TBC1D22A: variants seen among roughly 807,000 people sequenced by gnomAD.
TBC1D22A encodes TBC1 domain family member 22A.
In TBC1D22A, 38 loss-of-function variants were observed where a neutral mutation model predicts 60.2. The ratio of observed to expected loss-of-function variants is 0.63; its 90% confidence interval spans 0.49 to 0.83. The LOEUF is 0.83. Among genes scored for constraint, TBC1D22A ranks in the 40% least tolerant of loss-of-function variants. TBC1D22A has a pLI of 0.00. For missense variants in TBC1D22A, 628 were observed against 701.0 expected (o/e 0.90, Z 1.18); for synonymous variants, 302 against 281.7 (o/e 1.07, Z -0.72).
In TBC1D22A at chr22:47,173,580, G is replaced by A. The variant is rs776386503; in HGVS notation, c.1508G>A (p.Arg503His). Residue 503 changes from arginine (R) to histidine (H), a missense_variant, in exon 13 of 13, where the codon CGC becomes CAC. Transcript: ENST00000337137. The part of the protein sequence containing the change: ...DISLLLAEAY[R>H]LKFAFADAPN... ...AGCCTGTTGCTGGCCGAGGCCTACC[G>A]CCTCAAGTTTGCTTTTGCCGACGCC... The A allele has an allele frequency of 1.6e-5, 26 of 1,613,988 alleles. No homozygotes were observed. Among genetic ancestry groups the A allele is most frequent in the African/African-American group, 9.3e-5 (7 of 74,918 alleles).
Position 46,797,530 on chromosome 22 carries a change from A to C in TBC1D22A, c.547A>C (p.Ser183Arg). ...TVTLGGTSDP[S>R]TLSSSALSER... ...CACGCTGGGTGGCACATCTGACCCC[A>C]GCACTCTCAGCAGCTCAGCGCTGAG... Residue 183 changes from serine to arginine, a missense_variant, in exon 4 of 13, where the codon AGC (serine) becomes CGC (arginine). Ser to Arg is a moderately radical substitution (Grantham distance 110). Transcript: ENST00000337137. 1.2e-6 allele frequency: 2 copies of C among 1,614,086 alleles called. No individual in the cohort carries two copies. The highest frequency in any genetic ancestry group is 1.7e-6 in the Non-Finnish European group (2 of 1,180,040).
intron 11 of TBC1D22A, among the ~76,000 whole-genome samples, chr22:47,101,996 T>G (rs1603269832): frequency 6.6e-6 from 1 of 152,170 alleles, no homozygotes; most frequent in Non-Finnish European, 1.5e-5. Flanking sequence ...GGCTTTCTGC[T>G]GGGAGAAGAA....
intron 12 of TBC1D22A, among the ~76,000 whole-genome samples, chr22:47,141,426 C>T (rs776386242): frequency 1.3e-5 from 2 of 152,194 alleles, no homozygotes; most frequent in Non-Finnish European, 2.9e-5. Context: ...TTTTGCCTTC[C>T]CCTTACGCAC....
intron 12 of TBC1D22A, among the ~76,000 whole-genome samples, chr22:47,123,280 C>T (rs2066336658): frequency 1.3e-5 from 2 of 151,682 alleles, no homozygotes; most frequent in Non-Finnish European, 2.9e-5. Flanking sequence ...GCTGGAGGCC[C>T]CTCACCTGTG....
chr22:47,156,340 G>A (rs1233523310), intron 12 of TBC1D22A, among the ~76,000 whole-genome samples: 3 of 152,200 alleles, frequency 2.0e-5, no homozygotes, highest in African/African-American at 4.8e-5. Context: ...AACCCTCTCC[G>A]AGAGACAGGG....
chr22:47,073,345 G>A (rs1603236105), intron 11 of TBC1D22A, among the ~76,000 whole-genome samples: 1 of 152,120 alleles, frequency 6.6e-6, no homozygotes, highest in Non-Finnish European at 1.5e-5. Flanking sequence ...CATTAACATA[G>A]TAACACTCTG....
intron 1 of TBC1D22A, among the ~76,000 whole-genome samples, chr22:46,778,816 G>C (rs1176539908): frequency 6.6e-6 from 1 of 152,226 alleles, no homozygotes; most frequent in African/African-American, 2.4e-5. Context: ...GGCCAAGGCA[G>C]GTAGATCACC....
At chr22:46,884,193 G>A (rs2147536041) in intron 5 of TBC1D22A, among the ~76,000 whole-genome samples, 1 of 152,244 alleles carries the variant, frequency 6.6e-6, no homozygotes, top group South Asian at 2.1e-4. Flanking sequence ...GAAAAGGGCT[G>A]GGATCAGCTT....
intron 8 of TBC1D22A, among the ~76,000 whole-genome samples, chr22:46,919,982 C>T (rs1023138247): frequency 1.3e-5 from 2 of 152,132 alleles, no homozygotes; most frequent in African/African-American, 4.8e-5. Context: ...AACTGTTTAA[C>T]CCCCTTAAAA....
intron 4 of TBC1D22A, among the ~76,000 whole-genome samples, chr22:46,831,689 C>T (rs535241960): frequency 6.6e-6 from 1 of 152,198 alleles, no homozygotes; most frequent in South Asian, 2.1e-4. Context: ...CTGTGCCCAG[C>T]GGGCTCTGGC....
At chr22:46,950,841 C>T (rs1021830198) in intron 8 of TBC1D22A, among the ~76,000 whole-genome samples, 2 of 152,160 alleles carry the variant, frequency 1.3e-5, no homozygotes, top group Non-Finnish European at 2.9e-5. Context: ...ACACCCCACA[C>T]CTCTGCAGTT....
chr22:47,173,695 G>T lies in TBC1D22A; in HGVS notation c.*69G>T. 6.2e-7 allele frequency: 1 copy of T among 1,602,118 alleles called. No individual in the cohort carries two copies. Among genetic ancestry groups the T allele is most frequent in the South Asian group, 1.1e-5 (1 of 90,440 alleles). ...GCCCCACCTGCCTGGCTGGTGGTAG[G>T]CCCCTGTGAGCTGGTCCCGGGCTGC... On this transcript the variant is annotated 3_prime_UTR_variant, in exon 13 of 13. Coordinates refer to ENST00000337137, the MANE Select transcript of TBC1D22A (RefSeq NM_014346.5).
chr22:46,988,844 A>C (rs145037781), intron 9 of TBC1D22A, among the ~76,000 whole-genome samples: 2 of 152,312 alleles, frequency 1.3e-5, no homozygotes, highest in African/African-American at 4.8e-5. Context: ...TGGTCCTTCG[A>C]AGCTTTGAAG....
chr22:47,066,412 C>G (rs971294147), intron 11 of TBC1D22A, among the ~76,000 whole-genome samples: 1 of 141,132 alleles, frequency 7.1e-6, no homozygotes, highest in Non-Finnish European at 1.6e-5. Flanking sequence ...CAGGGGAGGT[C>G]GGGAGGGAGG....
At chr22:47,022,562 AC>A (rs200028782) in intron 10 of TBC1D22A, among the ~76,000 whole-genome samples, 13,673 of 151,222 alleles carry the variant, frequency 0.09, 1,498 homozygotes, top group African/African-American at 0.27. Flanking sequence ...AAAAAAAAAA[AC>A]ACCAAAACAA....
rs530562755 is a variant in TBC1D22A, at chr22:47,043,339, G to GC, written c.1329+6143dup. Among the ~76,000 whole-genome samples the GC allele has an allele frequency of 2.2e-3, 334 of 152,302 alleles. 1 individual carries two copies. The highest frequency in any genetic ancestry group is 7.8e-3 in the African/African-American group (323 of 41,564). On this transcript the variant is annotated intron_variant, in intron 11 of 12. Coordinates refer to ENST00000337137, the MANE Select transcript of TBC1D22A (RefSeq NM_014346.5). ...GAAGGGTGTGGGGAGCAGCAGGTGGGCCGGGGCGACGGGCACGAGGTCAGG... is the reference window on the plus strand; with the variant it reads ...GAAGGGTGTGGGGAGCAGCAGGTGGGCCCGGGGCGACGGGCACGAGGTCAGG...
intron 12 of TBC1D22A, among the ~76,000 whole-genome samples, chr22:47,124,148 G>A (rs1224846783): frequency 6.6e-6 from 1 of 152,208 alleles, no homozygotes; most frequent in Non-Finnish European, 1.5e-5. Flanking sequence ...AGCGGGGGAG[G>A]GCACGCCTGA....
At chr22:46,830,840 C>G (rs908710493) in intron 4 of TBC1D22A, among the ~76,000 whole-genome samples, 2 of 152,200 alleles carry the variant, frequency 1.3e-5, no homozygotes, top group Non-Finnish European at 2.9e-5. Flanking sequence ...GTGGGAAATA[C>G]ATTTATAGCT....
intron 11 of TBC1D22A, among the ~76,000 whole-genome samples, chr22:47,054,432 A>G (rs974888046): frequency 6.6e-6 from 1 of 151,416 alleles, no homozygotes; most frequent in African/African-American, 2.4e-5. Flanking sequence ...GTCTGTGTCC[A>G]CTCCCGGCCC....
Sources: gnomAD v4.1 joint callset for allele counts (sites outside exome capture counted in the v4.1 genomes callset) on GRCh38, gnomAD v4.1.1 for gene constraint, MANE v1.5 for transcripts, NCBI Gene and HGNC (gene_info 2026-07-23, HGNC 2026-07-21) for gene names.